Variants in RTN3 observed in about 807,000 individuals in gnomAD.
RTN3 encodes the protein reticulon-3.
A neutral mutation model predicts 77.8 loss-of-function variants in RTN3; 49 were observed. That is an observed-to-expected ratio of 0.63 (90% CI 0.50 to 0.80). The LOEUF is 0.80. Among genes scored for constraint, RTN3 ranks in the 30% least tolerant of loss-of-function variants. The probability of loss-of-function intolerance (pLI) is 0.00; values close to 1 mark genes in which losing one functional copy is unlikely to be tolerated. For synonymous variants in RTN3, 464 were observed against 446.9 expected (o/e 1.04, Z -0.48); for missense variants, 1,236 against 1,211.9 (o/e 1.02, Z -0.29).
At chr11:63,721,532 G>T (rs980399494) in intron 3 of RTN3, among the ~76,000 whole-genome samples, 2 of 146,402 alleles carry the variant, frequency 1.4e-5, no homozygotes, top group African/African-American at 5.1e-5. Flanking sequence ...ATGAGATCGC[G>T]CCAGTACACT....
At chr11:63,743,741 C>G (rs906978424) in intron 3 of RTN3, among the ~76,000 whole-genome samples, 4 of 151,806 alleles carry the variant, frequency 2.6e-5, no homozygotes, top group Non-Finnish European at 5.9e-5. Flanking sequence ...ATGGTGAAAC[C>G]CTGTCTCTAC....
At chr11:63,732,394 C>T (rs1363623115) in intron 3 of RTN3, among the ~76,000 whole-genome samples, 2 of 151,644 alleles carry the variant, frequency 1.3e-5, no homozygotes, top group Non-Finnish European at 2.9e-5. Flanking sequence ...GGGCTGGTCT[C>T]GAACTCCTGG....
intron 1 of RTN3, among the ~76,000 whole-genome samples, chr11:63,689,059 C>T (rs1941519450): frequency 6.6e-6 from 1 of 152,096 alleles, no homozygotes; most frequent in Non-Finnish European, 1.5e-5. Context: ...GTGCACTTAG[C>T]TTATAGTTTG....
chr11:63,702,561 G>C (rs1942293463), intron 1 of RTN3, among the ~76,000 whole-genome samples: 1 of 151,894 alleles, frequency 6.6e-6, no homozygotes, highest in Non-Finnish European at 1.5e-5. Flanking sequence ...TGATCCATCT[G>C]CCTCCACCTC....
chr11:63,720,260 C>A lies in RTN3; in HGVS notation c.1758C>A (p.Pro586=). The A allele has an allele frequency of 1.9e-6, 3 of 1,613,860 alleles. No homozygotes were observed. Among genetic ancestry groups the A allele is most frequent in the Non-Finnish European group, 2.5e-6 (3 of 1,179,940 alleles). Residue 586 remains proline (P), a synonymous_variant, in exon 3 of 9, where the codon CCC becomes CCA. Coordinates refer to ENST00000377819, the MANE Select transcript of RTN3 (RefSeq NM_001265589.2). Reference sequence around the variant, plus strand: ...GTGAGGCAGCATGTTCAAAAGTACCCGATACGAATGTCTCCTTAGAAGATG... The same window carrying A: ...GTGAGGCAGCATGTTCAAAAGTACCAGATACGAATGTCTCCTTAGAAGATG... The part of the protein sequence containing the change: ...PASEAACSKV[P]DTNVSLEDVS...
chr11:63,758,107 A>G (rs757384325), intron 8 of RTN3, 49 bp from the exon 9 acceptor site: 6 of 1,309,694 alleles, frequency 4.6e-6, no homozygotes, highest in Non-Finnish European at 6.4e-6. Context: ...ACCTAGAGCA[A>G]ATGCTAATGT....
At chr11:63,714,960 A>G (rs2011309774) in intron 2 of RTN3, among the ~76,000 whole-genome samples, 1 of 152,214 alleles carries the variant, frequency 6.6e-6, no homozygotes, top group Non-Finnish European at 1.5e-5. Context: ...TAAAGGTTCA[A>G]AGAAGTTAAG....
At chr11:63,695,115 T>C (rs1056355781) in intron 1 of RTN3, among the ~76,000 whole-genome samples, 7 of 152,204 alleles carry the variant, frequency 4.6e-5, no homozygotes, top group East Asian at 3.8e-4. Flanking sequence ...TCCTGTAATA[T>C]TCAAACCTCC....
intron 2 of RTN3, among the ~76,000 whole-genome samples, chr11:63,717,064 G>C (rs892226564): frequency 1.3e-5 from 2 of 151,884 alleles, no homozygotes; most frequent in Non-Finnish European, 2.9e-5. Flanking sequence ...TTGGGAGGCT[G>C]AGGTGGGAGG....
chr11:63,719,635 A>G lies in RTN3; in HGVS notation c.1133A>G (p.Asn378Ser). The change falls in exon 3 of 9, where the codon AAT (asparagine) becomes AGT (serine). Residue 378 changes from asparagine (N) to serine (S), a missense_variant. Asn to Ser is a conservative substitution (Grantham distance 46). Coordinates refer to ENST00000377819, the MANE Select transcript of RTN3 (RefSeq NM_001265589.2). Reference sequence around the variant, plus strand: ...TATAATTCAGAAATTCCAGTTGTAAATCTTAAAACTAGCACTCATCAGAAA... The same window carrying G: ...TATAATTCAGAAATTCCAGTTGTAAGTCTTAAAACTAGCACTCATCAGAAA... ...SEYNSEIPVV[N>S]LKTSTHQKTP... 1 of 1,613,764 alleles carries G rather than the reference A, an allele frequency of 6.2e-7. No individual in the cohort carries two copies. The highest frequency in any genetic ancestry group is 2.2e-5 in the East Asian group (1 of 44,890).
At chr11:63,701,369 T>G (rs1942229017) in intron 1 of RTN3, among the ~76,000 whole-genome samples, 1 of 152,180 alleles carries the variant, frequency 6.6e-6, no homozygotes, top group African/African-American at 2.4e-5. Context: ...GATAGCTCAT[T>G]CTAGAATATC....
intron 3 of RTN3, among the ~76,000 whole-genome samples, chr11:63,734,781 A>ACCCCCCC (rs71039667): frequency 9.5e-6 from 1 of 105,000 alleles, no homozygotes; most frequent in African/African-American, 3.9e-5. Flanking sequence ...ACACACACAC[A>ACCCCCCC]CCATACTGGA....
intron 2 of RTN3, among the ~76,000 whole-genome samples, chr11:63,712,962 G>T (rs1198789340): frequency 1.3e-5 from 2 of 152,038 alleles, no homozygotes; most frequent in African/African-American, 4.8e-5. Context: ...AGGCCTGGTG[G>T]CGCATGCCTG....
chr11:63,683,452 T>C (rs1941175140), intron 1 of RTN3, among the ~76,000 whole-genome samples: 1 of 152,214 alleles, frequency 6.6e-6, no homozygotes, highest in South Asian at 2.1e-4. Context: ...CTCTGTAAGC[T>C]CAAGATAAGA....
chr11:63,689,643 C>T (rs1941551748), intron 1 of RTN3, among the ~76,000 whole-genome samples: 1 of 151,802 alleles, frequency 6.6e-6, no homozygotes, highest in Non-Finnish European at 1.5e-5. Context: ...CTGTTTTCTC[C>T]AATCAACTGA....
At chr11:63,730,214 T>C (rs2012593776) in intron 3 of RTN3, among the ~76,000 whole-genome samples, 1 of 151,310 alleles carries the variant, frequency 6.6e-6, no homozygotes, top group South Asian at 2.1e-4. Flanking sequence ...TGATCCACCC[T>C]CCTCGGCCTC....
At chr11:63,684,142 T>G (rs1426569375) in intron 1 of RTN3, among the ~76,000 whole-genome samples, 14 of 137,980 alleles carry the variant, frequency 1.0e-4, no homozygotes, top group Admixed American at 5.1e-4. Context: ...TTTTTTTTTT[T>G]TTTTTTTTTT....
rs150954257 is a variant in RTN3, at chr11:63,699,516, G to A, written c.143-5335G>A. On this transcript the variant is annotated intron_variant, in intron 1 of 8. Transcript: ENST00000377819. ...GATTATGCAGTAGCTTTTCAGTTCC[G>A]TCCATGCTCTACCCTGCTGCCAGAG... is the stretch of plus-strand genomic sequence containing the variant. Among the ~76,000 whole-genome samples the A allele has an allele frequency of 9.7e-4, 148 of 152,106 alleles. 4 individuals are homozygous for A. In the East Asian group the frequency reaches 0.021, roughly 22 times the overall value.
intron 3 of RTN3, among the ~76,000 whole-genome samples, chr11:63,736,973 CTTTTT>C (rs542211160): frequency 7.1e-6 from 1 of 140,684 alleles, no homozygotes; most frequent in Non-Finnish European, 1.6e-5. Flanking sequence ...TCATAGAATC[CTTTTT>C]TTTTTTTTTT....
Sources: gnomAD v4.1 joint callset for allele counts (sites outside exome capture counted in the v4.1 genomes callset) on GRCh38, gnomAD v4.1.1 for gene constraint, MANE v1.5 for transcripts, NCBI Gene and HGNC (gene_info 2026-07-23, HGNC 2026-07-21) for gene names.